The following ESPNL variants were observed in gnomAD, a reference collection of about 807,000 sequenced individuals.
ESPNL encodes the protein espin like.
In ESPNL, 49 loss-of-function variants were observed where a neutral mutation model predicts 46.8. The observed-to-expected ratio is 1.05, with a 90% CI of 0.83 to 1.33. The LOEUF (loss-of-function observed/expected upper bound fraction) is 1.33. Among genes scored for constraint, ESPNL ranks in the 40% most tolerant of loss-of-function variants. The probability of loss-of-function intolerance (pLI) is 0.00; values close to 1 mark genes in which losing one functional copy is unlikely to be tolerated. For synonymous variants in ESPNL, 664 were observed against 662.1 expected, an observed-to-expected ratio of 1.00 and a Z score of -0.04; for missense variants, 1,540 against 1,436.6, an observed-to-expected ratio of 1.07 and a Z score of -1.16.
rs374688238 is a variant in ESPNL at position 238,128,791 on chromosome 2, G to C, written c.1300G>C (p.Gly434Arg). 6 of 1,573,228 alleles carry C rather than the reference G, an allele frequency of 3.8e-6. No individual in the cohort carries two copies. Among genetic ancestry groups the C allele is most frequent in the Middle Eastern group, 1.7e-4 (1 of 5,916 alleles). ...LDGLPSGDID[G>R]LVPTRDERGQ... ...TGGGCTGCCCTCAGGCGACATCGACGGGCTGGTGCCCACGCGGGATGAGCG... is the reference window on the plus strand; with the variant it reads ...TGGGCTGCCCTCAGGCGACATCGACCGGCTGGTGCCCACGCGGGATGAGCG... Residue 434 changes from glycine to arginine, a missense_variant, in exon 8 of 9, where the codon GGG (glycine) becomes CGG (arginine). Transcript: ENST00000343063.
intron 5 of ESPNL, among the ~76,000 whole-genome samples, chr2:238,119,512 G>A (rs1574738094): frequency 7.4e-6 from 1 of 134,920 alleles, no homozygotes; most frequent in Admixed American, 7.3e-5. Flanking sequence ...GGAGGAGGTG[G>A]GTGGAGGAGG....
chr2:238,107,733 C>T, intron 3 of ESPNL, 58 bp from the exon 4 acceptor site: 1 of 1,482,992 alleles, frequency 6.7e-7, no homozygotes, highest in Non-Finnish European at 9.1e-7. Flanking sequence ...AAGCCCCTCC[C>T]ACTCTGTGTG....
chr2:238,117,456 G>A (rs931729492), intron 5 of ESPNL, among the ~76,000 whole-genome samples: 1 of 140,182 alleles, frequency 7.1e-6, no homozygotes, highest in Non-Finnish European at 1.5e-5. Context: ...AGCCTCGGTG[G>A]CCAGAGTTCC....
chr2:238,119,700 G>T lies in ESPNL; in HGVS notation c.987+2666G>T, dbSNP rs1037617317. ...ACCTCTTTTACTGGTCATCCCTTCA[G>T]GAAGGTGTTCTGAAATCACCTGGCC... On this transcript the variant is annotated intron_variant, in intron 5 of 8. Coordinates refer to ENST00000343063, the MANE Select transcript of ESPNL (RefSeq NM_194312.4). 2.6e-5 allele frequency among the ~76,000 whole-genome samples: 4 copies of T among 152,188 alleles called. No individual in the cohort carries two copies. In the South Asian group the frequency reaches 8.3e-4, roughly 32 times the overall value.
intron 5 of ESPNL, among the ~76,000 whole-genome samples, chr2:238,123,208 G>A (rs1293414021): frequency 6.6e-6 from 1 of 152,218 alleles, no homozygotes. Context: ...ACACAGCCCT[G>A]AGAAGTGGCC....
chr2:238,128,685 T>C, intron 7 of ESPNL, 22 bp from the exon 8 acceptor site: 2 of 1,580,002 alleles, frequency 1.3e-6, no homozygotes, highest in Non-Finnish European at 1.7e-6. Flanking sequence ...CGGGCCTGTG[T>C]GACCCACCCC....
intron 4 of ESPNL, among the ~76,000 whole-genome samples, chr2:238,115,367 G>C (rs1173883427): frequency 6.6e-6 from 1 of 152,182 alleles, no homozygotes; most frequent in Admixed American, 6.5e-5. Flanking sequence ...TAGGGGCCGG[G>C]GCAAGGGAGG....
intron 2 of ESPNL, 122 bp downstream of exon 2, chr2:238,102,253 A>G (rs1405199227): frequency 1.2e-6 from 1 of 866,180 alleles, no homozygotes; most frequent in Non-Finnish European, 1.7e-6. Flanking sequence ...GCAGGCGGGC[A>G]TGCTGTCACT....
At chr2:238,120,101 C>T (rs145470545) in intron 5 of ESPNL, among the ~76,000 whole-genome samples, 1 of 152,242 alleles carries the variant, frequency 6.6e-6, no homozygotes, top group Non-Finnish European at 1.5e-5. Flanking sequence ...GGTGTGCTTG[C>T]TAGGCGTCCA....
At chr2:238,117,138 A>C in intron 5 of ESPNL, 104 bp downstream of exon 5, 1 of 1,406,428 alleles carries the variant, frequency 7.1e-7, no homozygotes, top group Non-Finnish European at 9.5e-7. Context: ...TGGGAAGCTC[A>C]CCATGTCCAA....
At chr2:238,129,009 C>G (rs1031400743) in intron 8 of ESPNL, 105 bp downstream of exon 8, 1 of 1,451,188 alleles carries the variant, frequency 6.9e-7, no homozygotes, top group African/African-American at 1.4e-5. Context: ...ATCCAAGACC[C>G]AGGGGCCCCT....
intron 6 of ESPNL, among the ~76,000 whole-genome samples, chr2:238,126,953 T>TTG (rs1413845823): frequency 2.0e-5 from 1 of 49,672 alleles, no homozygotes; most frequent in Non-Finnish European, 3.6e-5. Flanking sequence ...GTCACTGTTA[T>TTG]TGTGTGTCTG....
In ESPNL at chr2:238,131,584, C is replaced by T. The variant is rs1371201126; in HGVS notation, c.2870C>T (p.Pro957Leu). 20 of 1,611,542 alleles carry T rather than the reference C, an allele frequency of 1.2e-5. No individual in the cohort carries two copies. Among genetic ancestry groups the T allele is most frequent in the Non-Finnish European group, 1.7e-5 (20 of 1,179,222 alleles). The change falls in exon 9 of 9, where the codon CCC (proline) becomes CTC (leucine). Residue 957 changes from proline (P) to leucine (L), a missense_variant. By Grantham distance (98) the Pro-to-Leu change is moderately conservative. Coordinates refer to ENST00000343063, the MANE Select transcript of ESPNL (RefSeq NM_194312.4). Reference protein sequence around the residue: ...LLGPLPHAAVPCSGPEPTAQR... With the variant: ...LLGPLPHAAVLCSGPEPTAQR... Reference sequence around the variant, plus strand: ...GGGCCCCTGCCTCACGCCGCCGTCCCCTGCAGCGGCCCTGAGCCCACAGCA... The same window carrying T: ...GGGCCCCTGCCTCACGCCGCCGTCCTCTGCAGCGGCCCTGAGCCCACAGCA...
chr2:238,118,703 G>A (rs1691889998), intron 5 of ESPNL, among the ~76,000 whole-genome samples: 1 of 140,552 alleles, frequency 7.1e-6, no homozygotes, highest in Admixed American at 7.0e-5. Flanking sequence ...GTGGATAGAG[G>A]AGGAATGGAT....
In ESPNL at chr2:238,131,628, T is replaced by C; in HGVS notation, c.2914T>C (p.Ser972Pro). The change falls in exon 9 of 9, where the codon TCC (serine) becomes CCC (proline). Residue 972 changes from serine to proline, a missense_variant. Coordinates refer to ENST00000343063, the MANE Select transcript of ESPNL (RefSeq NM_194312.4). The part of the protein sequence containing the change: ...EPTAQRLGSR[S>P]QQGSFNGEDI... ...CACAGCACAGCGGCTGGGGTCCCGCTCCCAGCAGGGCAGCTTCAACGGTGA... is the reference window on the plus strand; with the variant it reads ...CACAGCACAGCGGCTGGGGTCCCGCCCCCAGCAGGGCAGCTTCAACGGTGA... The C allele has an allele frequency of 6.2e-7, 1 of 1,611,366 alleles. No homozygotes were observed. Among genetic ancestry groups the C allele is most frequent in the Non-Finnish European group, 8.5e-7 (1 of 1,178,832 alleles).
chr2:238,127,869 ACTCCGCTGCT>A (rs1692176548), intron 7 of ESPNL, 135 bp downstream of exon 7: 1 of 645,630 alleles, frequency 1.5e-6, no homozygotes. Flanking sequence ...TGCCTGCGTC[ACTCCGCTGCT>A]CTCGAGAACA....
chr2:238,125,636 C>T (rs1040187920), intron 6 of ESPNL, among the ~76,000 whole-genome samples: 3 of 152,236 alleles, frequency 2.0e-5, no homozygotes, highest in Non-Finnish European at 4.4e-5. Flanking sequence ...GGAGACGGGC[C>T]GGTTGGGCCC....
At chr2:238,101,881 G>T in intron 1 of ESPNL, 60 bp from the exon 2 acceptor site, 1 of 1,344,410 alleles carries the variant, frequency 7.4e-7, no homozygotes, top group East Asian at 2.5e-5. Context: ...CCCACCTCCG[G>T]CAGCTGGCTC....
chr2:238,101,911 C>A (rs753872173), intron 1 of ESPNL, 30 bp from the exon 2 acceptor site: 1 of 1,566,402 alleles, frequency 6.4e-7, no homozygotes, highest in Non-Finnish European at 8.7e-7. Context: ...GGCCTACCCC[C>A]CACTCACTGA....
Sources: gnomAD v4.1 joint callset for allele counts (sites outside exome capture counted in the v4.1 genomes callset) on GRCh38, gnomAD v4.1.1 for gene constraint, MANE v1.5 for transcripts, NCBI Gene and HGNC (gene_info 2026-07-23, HGNC 2026-07-21) for gene names.